Variants in CAMTA2 observed in about 807,000 individuals in gnomAD.
CAMTA2 encodes the protein calmodulin binding transcription activator 2, also known as calmodulin-binding transcription activator 2.
A neutral mutation model predicts 135.7 loss-of-function variants in CAMTA2; 56 were observed. That is an observed-to-expected ratio of 0.41 (90% confidence interval 0.33 to 0.52). The LOEUF is 0.52. Ranked by LOEUF, CAMTA2 falls within the 20% of genes least tolerant of loss-of-function variation. The pLI, the probability that CAMTA2 is intolerant of heterozygous loss-of-function variation, is 0.16. For missense variants in CAMTA2, 1,358 were observed against 1,553.4 expected, an observed-to-expected ratio of 0.87 and a Z score of 2.11; for synonymous variants, 591 against 604.6, an observed-to-expected ratio of 0.98 and a Z score of 0.33.
chr17:4,969,059 A>ATGGCAGTGAG lies in CAMTA2; in HGVS notation c.3470+81_3471-79dup. ...CCCCCCCAGGAACCCTAGGCAGGGA[A>ATGGCAGTGAG]TGGCAGTGAGGCATGATGATCAAGA... On this transcript the variant is annotated intron_variant, in intron 21 of 22. Coordinates refer to ENST00000348066, the MANE Select transcript of CAMTA2 (RefSeq NM_015099.4). This position sits in a 1 kb window ranked among gnomAD's most constrained non-coding sequence, Gnocchi z 5.6. 6.3e-7 allele frequency: 1 copy of ATGGCAGTGAG among 1,581,418 alleles called. No individual in the cohort carries two copies. Among genetic ancestry groups the ATGGCAGTGAG allele is most frequent in the Non-Finnish European group, 8.7e-7 (1 of 1,155,120 alleles).
chr17:4,969,926 G>C lies in CAMTA2; in HGVS notation c.3165C>G (p.Ile1055Met). Residue 1055 changes from isoleucine to methionine, a missense_variant, in exon 18 of 23, where the codon ATC (isoleucine) becomes ATG (methionine). Around this residue, in one of 4 missense-constraint regions of CAMTA2, gnomAD observed 167 missense variants for 207.0 expected, o/e 0.81. Coordinates refer to ENST00000348066, the MANE Select transcript of CAMTA2 (RefSeq NM_015099.4). The surrounding 1 kb of genome is among the most constrained non-coding windows in gnomAD (Gnocchi z 5.6). Reference protein sequence around the residue: ...QRELYEAARVIQTAFRKYKGR... With the variant: ...QRELYEAARVMQTAFRKYKGR... ...CCTTGTACTTTCGGAAGGCCGTCTGGATGACTCGGGCAGCCTCATACAGTT... is the reference window on the plus strand; with the variant it reads ...CCTTGTACTTTCGGAAGGCCGTCTGCATGACTCGGGCAGCCTCATACAGTT... The C allele has an allele frequency of 6.2e-7, 1 of 1,614,214 alleles. No homozygotes were observed. The highest frequency in any genetic ancestry group is 8.5e-7 in the Non-Finnish European group (1 of 1,180,046).
chr17:4,986,912 C>T, intron 1 of CAMTA2: 1 of 1,477,712 alleles, frequency 6.8e-7, no homozygotes, highest in Non-Finnish European at 9.1e-7. Context: ...GCTCCCTCTC[C>T]CCAAACGCCT....
rs1181585623 is a variant in CAMTA2 at position 4,969,451 on chromosome 17, G to A, written c.3282+49C>T. 4 of 1,611,948 alleles carry A rather than the reference G, an allele frequency of 2.5e-6. No homozygotes were observed. In the Admixed American group the frequency reaches 5.0e-5, roughly 20 times the overall value. On this transcript the variant is annotated intron_variant, in intron 20 of 22. Coordinates refer to ENST00000348066, the MANE Select transcript of CAMTA2 (RefSeq NM_015099.4). The surrounding 1 kb of genome is among the most constrained non-coding windows in gnomAD (Gnocchi z 5.6). The stretch of plus-strand genomic sequence containing the variant: ...ACTCTCTGTAACCCACACACTCAAG[G>A]AAAGACTGAATCATCACAGACCTCA...
At chr17:4,979,602 G>A (rs754646968) in intron 9 of CAMTA2, 82 bp downstream of exon 9, 133 of 945,466 alleles carry the variant, frequency 1.4e-4, no homozygotes, top group Middle Eastern at 2.3e-4. Context: ...CACAGACCAC[G>A]GGGTAAGAGT....
rs570365263 is a variant in CAMTA2, at chr17:4,987,077, C to G, written c.-65+516G>C. 4.6e-5 allele frequency: 64 copies of G among 1,396,094 alleles called. 1 individual carries two copies. The South Asian group carries it at 9.5e-4, about 21-fold the overall frequency. 86.5% of individuals were successfully genotyped at this position (1,396,094 alleles called of 1,614,324 possible). On this transcript the variant is annotated intron_variant, in intron 1 of 22. Transcript: ENST00000348066. The stretch of plus-strand genomic sequence containing the variant: ...AGGATGGAGATGGGAGGAGGCCCGT[C>G]GGGCTCGGCTATGTGCAGTGAAGCT...
rs1973455197 is a variant in CAMTA2 at position 4,987,673 on chromosome 17, TC to T, written c.-146del. The T allele has an allele frequency of 6.6e-7, 1 of 1,511,262 alleles. No homozygotes were observed. Among genetic ancestry groups the T allele is most frequent in the South Asian group, 1.2e-5 (1 of 82,078 alleles). The allele number at this position is 1,511,262 out of a possible 1,614,324, so 93.6% of individuals were successfully genotyped here. A position where few individuals can be genotyped will look rare whatever the true frequency, so the allele number is the denominator to read the frequency against. On this transcript the variant is annotated 5_prime_UTR_variant, in exon 1 of 23. Coordinates refer to ENST00000348066, the MANE Select transcript of CAMTA2 (RefSeq NM_015099.4). ...CCCCCAGCGCCGGCTGACAGCGGCG[TC>T]TAACGTCACTGCGCACGGGGCGGGG...
At chr17:4,987,376 G>T in intron 1 of CAMTA2, 1 of 1,361,366 alleles carries the variant, frequency 7.3e-7, no homozygotes, top group Non-Finnish European at 9.4e-7. Context: ...GCCGGGTGCG[G>T]GGGTCTCCGG....
intron 9 of CAMTA2, chr17:4,979,408 G>C (rs1156928987): frequency 7.9e-6 from 2 of 252,652 alleles, no homozygotes; most frequent in African/African-American, 4.5e-5. Flanking sequence ...TACTCAGGAG[G>C]CTGAGGCAGG....
At chr17:4,984,571 T>C (rs1187637270) in intron 3 of CAMTA2, among the ~76,000 whole-genome samples, 1 of 152,190 alleles carries the variant, frequency 6.6e-6, no homozygotes. Context: ...CATACACACA[T>C]ACACGCATCG....
intron 3 of CAMTA2, among the ~76,000 whole-genome samples, chr17:4,984,536 C>T (rs1273850015): frequency 2.0e-5 from 3 of 152,240 alleles, no homozygotes; most frequent in African/African-American, 7.2e-5. Context: ...TTCCTAAACG[C>T]TCTATAGCAC....
intron 11 of CAMTA2, among the ~76,000 whole-genome samples, chr17:4,975,920 G>A (rs1041738111): frequency 6.6e-6 from 1 of 152,202 alleles, no homozygotes; most frequent in African/African-American, 2.4e-5. Context: ...CACACACATA[G>A]ATACACGTAT....
At chr17:4,972,707 C>T (rs1026903107) in intron 15 of CAMTA2, 62 bp downstream of exon 15, 29 of 1,539,192 alleles carry the variant, frequency 1.9e-5, no homozygotes, top group Non-Finnish European at 2.4e-5. Flanking sequence ...CACCCTTTGG[C>T]TTTGTCCTGG....
At position 4,968,796 on chromosome 17, in the gene CAMTA2, T is replaced by C. The variant is rs770996521; in HGVS notation, c.3569A>G (p.Gln1190Arg). The C allele has an allele frequency of 2.5e-6, 4 of 1,614,154 alleles. No individual in the cohort carries two copies. Among genetic ancestry groups the C allele is most frequent in the Non-Finnish European group, 3.4e-6 (4 of 1,180,014 alleles). ...CGGCTGGGGAAGCCCTTCCAGCTCC[T>C]GGTTCTGCTTCAGTTCCCTCATCCT... ...RHRMRELKQN[Q>R]ELEGLPQPGL... The change falls in exon 23 of 23, where the codon CAG becomes CGG. Residue 1190 changes from glutamine to arginine, a missense_variant. Coordinates refer to ENST00000348066, the MANE Select transcript of CAMTA2 (RefSeq NM_015099.4).
Position 4,978,591 on chromosome 17 carries a change from C to T in CAMTA2, c.1678G>A (p.Ala560Thr). The change falls in exon 10 of 23, where the codon GCC becomes ACC. Residue 560 changes from alanine (A) to threonine (T), a missense_variant. Physicochemically the swap from Ala to Thr is moderately conservative, Grantham distance 58. Transcript: ENST00000348066. ...AAGACACAGGAGTAATGCTCGGCGG[C>T]TTCGGTCCAAGGACCTGTGATGAGC... Reference protein sequence around the residue: ...KVLITGPWTEAAEHYSCVFDH... With the variant: ...KVLITGPWTETAEHYSCVFDH... 1 of 1,614,186 alleles carries T rather than the reference C, an allele frequency of 6.2e-7. No homozygotes were observed. Among genetic ancestry groups the T allele is most frequent in the Non-Finnish European group, 8.5e-7 (1 of 1,179,996 alleles).
At chr17:4,975,031 G>A (rs1972530724) in intron 11 of CAMTA2, among the ~76,000 whole-genome samples, 1 of 152,128 alleles carries the variant, frequency 6.6e-6, no homozygotes, top group African/African-American at 2.4e-5. Flanking sequence ...GACGGAAGGT[G>A]ACAGAGATGG....
chr17:4,978,777 G>C (rs1265309089), intron 9 of CAMTA2, 147 bp from the exon 10 acceptor site: 2 of 813,850 alleles, frequency 2.5e-6, no homozygotes, highest in South Asian at 4.4e-5. Context: ...GACCCAGTGG[G>C]GTGAGGTCAG....
chr17:4,980,512 T>TG lies in CAMTA2; in HGVS notation c.809dup (p.Glu271ArgfsTer40). The TG allele has an allele frequency of 2.5e-6, 3 of 1,192,502 alleles. No homozygotes were observed. Among genetic ancestry groups the TG allele is most frequent in the East Asian group, 3.6e-5 (1 of 27,664 alleles). The allele number at this position is 1,192,502 out of a possible 1,614,324, so 73.9% of individuals were successfully genotyped here. On this transcript the variant is annotated frameshift_variant, in exon 9 of 23. Coordinates refer to ENST00000348066, the MANE Select transcript of CAMTA2 (RefSeq NM_015099.4). LOFTEE classifies it high-confidence loss of function. This position sits in a 1 kb window ranked among gnomAD's most constrained non-coding sequence, Gnocchi z 5.3. ...GTGGGGCTATCAGTGGAGGAGGCTC[T>TG]GGGGGGTGAGCGTGGGGGATAGAGG... is the stretch of plus-strand genomic sequence containing the variant.
chr17:4,987,202 G>A lies in CAMTA2; in HGVS notation c.-65+391C>T, dbSNP rs908897335. The A allele has an allele frequency of 1.2e-5, 16 of 1,335,702 alleles. No homozygotes were observed. The Admixed American group carries it at 4.7e-4, about 39-fold the overall frequency. The allele number at this position is 1,335,702 out of a possible 1,614,324, so 82.7% of individuals were successfully genotyped here. A position where few individuals can be genotyped will look rare whatever the true frequency, so the allele number is the denominator to read the frequency against. ...GGGAGCGGGTCCTTGGGCTGCACTTGGGCGGCGCCGGATCGGACGCTTGGC... is the reference window on the plus strand; with the variant it reads ...GGGAGCGGGTCCTTGGGCTGCACTTAGGCGGCGCCGGATCGGACGCTTGGC... On this transcript the variant is annotated intron_variant, in intron 1 of 22. Transcript: ENST00000348066.
rs568146018 is a variant in CAMTA2 at position 4,979,751 on chromosome 17, G to A, written c.1571C>T (p.Pro524Leu). 1.7e-5 allele frequency: 27 copies of A among 1,614,098 alleles called. No individual in the cohort carries two copies. Among genetic ancestry groups the A allele is most frequent in the South Asian group, 1.1e-4 (10 of 91,078 alleles). The stretch of plus-strand genomic sequence containing the variant: ...AAGAGCAGGAGACAGCTGGGGGGTC[G>A]GAGCAGGGATGCTTGGAGCTTCGTC... ...ISDEAPSIPA[P>L]TPQLSPALST... The change falls in exon 9 of 23, where the codon CCG (proline) becomes CTG (leucine). Residue 524 changes from proline to leucine, a missense_variant. By Grantham distance (98) the Pro-to-Leu change is moderately conservative. Coordinates refer to ENST00000348066, the MANE Select transcript of CAMTA2 (RefSeq NM_015099.4).
Sources: allele counts gnomAD v4.1 joint callset (sites outside exome capture counted in the v4.1 genomes callset), GRCh38; gene constraint gnomAD v4.1.1; regional missense constraint gnomAD v4.1.1; non-coding constraint Gnocchi (gnomAD v3.1); transcripts MANE v1.5; gene names NCBI Gene and HGNC (gene_info 2026-07-23, HGNC 2026-07-21).